The following MUC12 variants were observed in gnomAD, a reference collection of about 807,000 sequenced individuals.
MUC12 encodes the protein mucin-12.
Under a neutral mutation model 230.8 loss-of-function variants are expected in MUC12, and 172 were observed. The ratio of observed to expected loss-of-function variants is 0.75; its 90% CI spans 0.66 to 0.85. MUC12 has a LOEUF of 0.85. MUC12 is among the 40% of genes least tolerant of loss of function. The pLI is 0.00. For missense variants in MUC12, 3,506 were observed against 5,920.6 expected (o/e 0.59, Z 13.38); for synonymous variants, 1,259 against 2,401.9 (o/e 0.52, Z 13.91).
At chr7:100,978,990 G>T (rs1001485482) in intron 1 of MUC12, among the ~76,000 whole-genome samples, 1 of 152,032 alleles carries the variant, frequency 6.6e-6, no homozygotes, top group African/African-American at 2.4e-5. Flanking sequence ...TTAAATGTTT[G>T]TACAGATGGG....
At chr7:100,973,614 C>G (rs1231008169) in intron 1 of MUC12, among the ~76,000 whole-genome samples, 2 of 126,520 alleles carry the variant, frequency 1.6e-5, no homozygotes, top group Non-Finnish European at 3.4e-5. Flanking sequence ...CTCCTGGGCT[C>G]AAACCATCCT....
intron 10 of MUC12, among the ~76,000 whole-genome samples, chr7:101,016,534 C>G (rs1298155721): frequency 6.6e-6 from 1 of 152,112 alleles, no homozygotes; most frequent in Non-Finnish European, 1.5e-5. Context: ...AGGCTGGTCT[C>G]GAACTCCAGA....
At chr7:100,973,060 A>G (rs546164314) in intron 1 of MUC12, 32 of 701,942 alleles carry the variant, frequency 4.6e-5, no homozygotes, top group Non-Finnish European at 5.7e-5. Context: ...TTTGTGGATG[A>G]CAGGAGCAGT....
In MUC12 at chr7:100,995,927, C is replaced by G. The variant is rs1347801609; in HGVS notation, c.5364C>G (p.Ser1788=). The change falls in exon 2 of 12, where the codon TCC becomes TCG. Residue 1788 remains serine (S), a synonymous_variant. Coordinates refer to ENST00000536621, the MANE Select transcript of MUC12 (RefSeq NM_001164462.2). The part of the protein sequence containing the change: ...STQTMHFPES[S]TASGRSEESR... ...AAACAATGCACTTCCCTGAAAGCTC[C>G]ACAGCTTCAGGTCGTAGTGAAGAAT... 1.6e-6 allele frequency: 2 copies of G among 1,250,090 alleles called. No homozygotes were observed. The highest frequency in any genetic ancestry group is 1.9e-5 in the African/African-American group (1 of 53,780). The allele number at this position is 1,250,090 out of a possible 1,614,324, so 77.4% of individuals were successfully genotyped here.
At chr7:101,015,108 T>C (rs1793895749) in intron 9 of MUC12, 1 of 161,444 alleles carries the variant, frequency 6.2e-6, no homozygotes, top group Non-Finnish European at 1.4e-5. Context: ...AAGGGACACA[T>C]TCAAACCATA....
In MUC12 at chr7:101,013,903, G is replaced by A. The variant is rs567215113; in HGVS notation, c.15639-10G>A. The A allele has an allele frequency of 2.6e-6, 4 of 1,531,018 alleles. No homozygotes were observed. The highest frequency in any genetic ancestry group is 2.5e-5 in the East Asian group (1 of 40,790). The allele number at this position is 1,531,018 out of a possible 1,614,324, so 94.8% of individuals were successfully genotyped here. A position where few individuals can be genotyped will look rare whatever the true frequency, so the allele number is the denominator to read the frequency against. On this transcript the variant is annotated splice_polypyrimidine_tract_variant and intron_variant, in intron 8 of 11. Coordinates refer to ENST00000536621, the MANE Select transcript of MUC12 (RefSeq NM_001164462.2). ...CCAGGGGATCAGCGTGAGCTTGTCTGTGTCCCCAGGTGCCCAAATACGAAC... is the reference window on the plus strand; with the variant it reads ...CCAGGGGATCAGCGTGAGCTTGTCTATGTCCCCAGGTGCCCAAATACGAAC...
intron 1 of MUC12, among the ~76,000 whole-genome samples, chr7:100,979,934 G>A (rs1793081112): frequency 6.6e-6 from 1 of 151,642 alleles, no homozygotes. Flanking sequence ...AGGAGGGAGG[G>A]AGGATCACTT....
intron 1 of MUC12, among the ~76,000 whole-genome samples, chr7:100,975,887 G>A (rs948014419): frequency 6.6e-6 from 1 of 152,064 alleles, no homozygotes; most frequent in Non-Finnish European, 1.5e-5. Flanking sequence ...GTGGTAGTGG[G>A]ATGAGCTGGG....
At chr7:101,012,128 T>C (rs1476891201) in intron 5 of MUC12, among the ~76,000 whole-genome samples, 168 bp from the exon 6 acceptor site, 1 of 152,122 alleles carries the variant, frequency 6.6e-6, no homozygotes, top group Non-Finnish European at 1.5e-5. Context: ...ATCGTTTCGC[T>C]CTCCTCCCTC....
At position 101,018,756 on chromosome 7, in the gene MUC12, T is replaced by C; in HGVS notation, c.*120T>C. 4 of 1,027,152 alleles carry C rather than the reference T, an allele frequency of 3.9e-6. No homozygotes were observed. Among genetic ancestry groups the C allele is most frequent in the South Asian group, 1.7e-5 (1 of 58,294 alleles). The allele number at this position is 1,027,152 out of a possible 1,614,324, so 63.6% of individuals were successfully genotyped here. A position where few individuals can be genotyped will look rare whatever the true frequency, so the allele number is the denominator to read the frequency against. ...CGAAGTCAGGCCCTGAAGCCGGTCC[T>C]GCTCTGAGCTGACAGACTTGGCCAG... On this transcript the variant is annotated 3_prime_UTR_variant, in exon 12 of 12. Coordinates refer to ENST00000536621, the MANE Select transcript of MUC12 (RefSeq NM_001164462.2).
intron 1 of MUC12, among the ~76,000 whole-genome samples, chr7:100,972,650 G>A (rs192710178): frequency 6.6e-6 from 1 of 152,118 alleles, no homozygotes; most frequent in East Asian, 1.9e-4. Flanking sequence ...CTACAGGTGT[G>A]CGCCAACATG....
chr7:101,007,352 T>A (rs1287816645), intron 3 of MUC12, among the ~76,000 whole-genome samples: 1 of 152,222 alleles, frequency 6.6e-6, no homozygotes, highest in Non-Finnish European at 1.5e-5. Context: ...TTTCTAACTA[T>A]ACATTTTTTG....
intron 8 of MUC12, 49 bp downstream of exon 8, chr7:101,013,191 C>T: frequency 6.5e-7 from 1 of 1,527,624 alleles, no homozygotes; most frequent in Non-Finnish European, 8.8e-7. Context: ...GTGATAGGGC[C>T]CTCCCCCTCC....
intron 1 of MUC12, among the ~76,000 whole-genome samples, chr7:100,987,376 AT>A (rs573825961): frequency 6.6e-6 from 1 of 151,734 alleles, no homozygotes; most frequent in Non-Finnish European, 1.5e-5. Flanking sequence ...CTAGCTAATG[AT>A]TTTTTTTACA....
At chr7:100,977,073 A>G (rs926311443) in intron 1 of MUC12, among the ~76,000 whole-genome samples, 7 of 148,480 alleles carry the variant, frequency 4.7e-5, no homozygotes, top group African/African-American at 1.7e-4. Context: ...AAAAAAAAAA[A>G]AAAAAAAAAG....
rs866972444 is a variant in MUC12 at position 101,005,516 on chromosome 7, C to T, written c.14953C>T (p.Pro4985Ser). Residue 4985 changes from proline (P) to serine (S), a missense_variant, in exon 2 of 12, where the codon CCA (proline) becomes TCA (serine). By Grantham distance (74) the Pro-to-Ser change is moderately conservative (BLOSUM62 -1). Coordinates refer to ENST00000536621, the MANE Select transcript of MUC12 (RefSeq NM_001164462.2). ...VSTESLETLA[P>S]GLCQEGQIWN... is the part of the protein sequence containing the mutation. ...TACTGAAAGCCTGGAAACCTTAGCA[C>T]CAGGTACTGCTCTTTCCATTTCATC... 1 of 1,535,588 alleles carries T rather than the reference C, an allele frequency of 6.5e-7. No individual in the cohort carries two copies. Among genetic ancestry groups the T allele is most frequent in the Non-Finnish European group, 8.7e-7 (1 of 1,145,698 alleles).
chr7:100,984,436 T>C (rs535087665), intron 1 of MUC12, among the ~76,000 whole-genome samples: 116 of 152,138 alleles, frequency 7.6e-4, no homozygotes, highest in Non-Finnish European at 1.1e-3. Flanking sequence ...TTTATATTTT[T>C]AGTAGAAACA....
chr7:100,975,093 G>T (rs1373178380), intron 1 of MUC12, among the ~76,000 whole-genome samples: 3 of 152,306 alleles, frequency 2.0e-5, no homozygotes, highest in South Asian at 2.1e-4. Context: ...GTGGCCTGAG[G>T]CTCCTGGAAT....
In MUC12 at chr7:101,004,570, C is replaced by T; in HGVS notation, c.14007C>T (p.His4669=). Residue 4669 remains histidine (H), a synonymous_variant, in exon 2 of 12, where the codon CAC becomes CAT. Coordinates refer to ENST00000536621, the MANE Select transcript of MUC12 (RefSeq NM_001164462.2). ...GCCCGGGCTCAATTGCAACAACACA[C>T]TTTCCTGAGAGCTCCACAACCTCCG... is the stretch of plus-strand genomic sequence containing the variant. ...HSSPGSIATT[H]FPESSTTSGR... is the part of the protein sequence containing the mutation. The T allele has an allele frequency of 6.5e-7, 1 of 1,537,430 alleles. No individual in the cohort carries two copies. The highest frequency in any genetic ancestry group is 8.7e-7 in the Non-Finnish European group (1 of 1,146,790).
Sources: allele counts gnomAD v4.1 joint callset (sites outside exome capture counted in the v4.1 genomes callset), GRCh38; gene constraint gnomAD v4.1.1; transcripts MANE v1.5; gene names NCBI Gene and HGNC (gene_info 2026-07-23, HGNC 2026-07-21).